INPP4B: variants seen among roughly 807,000 people sequenced by gnomAD.
INPP4B encodes the protein inositol polyphosphate-4-phosphatase type II B, also known as inositol polyphosphate 4-phosphatase type II.
A neutral mutation model predicts 122.5 loss-of-function variants in INPP4B; 55 were observed. That is an observed-to-expected ratio of 0.45 (90% CI 0.36 to 0.56). The LOEUF (loss-of-function observed/expected upper bound fraction) is 0.56, where lower values mean the gene tolerates loss of function less well. Among genes scored for constraint, INPP4B ranks in the 20% least tolerant of loss-of-function variants. The probability of loss-of-function intolerance (pLI) is 0.00; values close to 1 mark genes in which losing one functional copy is unlikely to be tolerated. For missense variants in INPP4B, 1,000 were observed against 1,097.7 expected, an observed-to-expected ratio of 0.91 and a Z score of 1.26; for synonymous variants, 403 against 388.7, an observed-to-expected ratio of 1.04 and a Z score of -0.43.
At chr4:142,306,097 G>T (rs557625095) in intron 8 of INPP4B, among the ~76,000 whole-genome samples, 1 of 151,966 alleles carries the variant, frequency 6.6e-6, no homozygotes, top group East Asian at 1.9e-4. Flanking sequence ...TCTAATACAC[G>T]AAAGAAAATG....
intron 2 of INPP4B, among the ~76,000 whole-genome samples, chr4:142,546,607 T>C (rs916269884): frequency 6.6e-6 from 1 of 152,136 alleles, no homozygotes; most frequent in South Asian, 2.1e-4. Flanking sequence ...ACGGAGATAT[T>C]CTAAGAGTCA....
chr4:142,633,706 A>T (rs866949605), intron 2 of INPP4B, among the ~76,000 whole-genome samples: 14 of 152,278 alleles, frequency 9.2e-5, no homozygotes, highest in Middle Eastern at 3.4e-3. Flanking sequence ...ACTCAAAAAG[A>T]GGTAAAATTA....
intron 18 of INPP4B, among the ~76,000 whole-genome samples, chr4:142,135,239 CA>C (rs1482584863): frequency 6.6e-6 from 1 of 152,108 alleles, no homozygotes; most frequent in Non-Finnish European, 1.5e-5. Context: ...GAACAAATCA[CA>C]AACACTTGGC....
intron 2 of INPP4B, among the ~76,000 whole-genome samples, chr4:142,722,164 T>A (rs1031505964): frequency 6.6e-5 from 10 of 152,058 alleles, no homozygotes; most frequent in Non-Finnish European, 1.2e-4. Flanking sequence ...AATATGCAAA[T>A]CAATGACAGT....
chr4:142,369,582 T>TTAAAAAAA (rs1554043865), intron 7 of INPP4B, among the ~76,000 whole-genome samples: 4 of 105,258 alleles, frequency 3.8e-5, no homozygotes, highest in African/African-American at 1.4e-4. Context: ...GTCTCGAAAA[T>TTAAAAAAA]TAAAAAAATA....
At chr4:142,734,437 G>C (rs968937840) in intron 1 of INPP4B, among the ~76,000 whole-genome samples, 1 of 152,186 alleles carries the variant, frequency 6.6e-6, no homozygotes, top group African/African-American at 2.4e-5. Context: ...GTACCTGAAA[G>C]AGGACATGAG....
At chr4:142,413,384 A>G (rs1417930116) in intron 5 of INPP4B, among the ~76,000 whole-genome samples, 1 of 152,218 alleles carries the variant, frequency 6.6e-6, no homozygotes, top group African/African-American at 2.4e-5. Flanking sequence ...CAGCTCATAC[A>G]TACACATAAA....
chr4:142,384,568 T>C (rs1290029476), intron 7 of INPP4B, among the ~76,000 whole-genome samples: 1 of 152,216 alleles, frequency 6.6e-6, no homozygotes, highest in Non-Finnish European at 1.5e-5. Context: ...TAGAGTCTTA[T>C]AGGATCACCA....
intron 5 of INPP4B, among the ~76,000 whole-genome samples, chr4:142,420,448 C>T (rs1467286908): frequency 6.6e-6 from 1 of 152,106 alleles, no homozygotes; most frequent in African/African-American, 2.4e-5. Flanking sequence ...AAACAGGCTA[C>T]AATCCAACTG....
At chr4:142,104,513 A>C (rs2152667096) in intron 23 of INPP4B, among the ~76,000 whole-genome samples, 1 of 152,250 alleles carries the variant, frequency 6.6e-6, no homozygotes, top group Middle Eastern at 3.4e-3. Flanking sequence ...GTAGGGCCTG[A>C]GGGGAAGTAA....
chr4:142,192,153 G>T (rs1561438429), intron 15 of INPP4B, among the ~76,000 whole-genome samples: 1 of 151,354 alleles, frequency 6.6e-6, no homozygotes, highest in East Asian at 1.9e-4. Context: ...CAGACACCAG[G>T]ACCTACTTAA....
At chr4:142,665,919 T>C (rs1343930362) in intron 2 of INPP4B, among the ~76,000 whole-genome samples, 3 of 152,180 alleles carry the variant, frequency 2.0e-5, no homozygotes, top group African/African-American at 4.8e-5. Flanking sequence ...GTATACATGC[T>C]TATGATAAGG....
At chr4:142,267,240 T>G (rs1169249309) in intron 10 of INPP4B, among the ~76,000 whole-genome samples, 3 of 152,258 alleles carry the variant, frequency 2.0e-5, no homozygotes, top group Non-Finnish European at 4.4e-5. Context: ...CAAAAGAGCT[T>G]GAAGAGTCAA....
At chr4:142,410,439 T>G (rs1392205949) in intron 5 of INPP4B, among the ~76,000 whole-genome samples, 3 of 152,238 alleles carry the variant, frequency 2.0e-5, no homozygotes, top group Non-Finnish European at 4.4e-5. Context: ...TAATGGAATC[T>G]AACAAAATTT....
intron 2 of INPP4B, among the ~76,000 whole-genome samples, chr4:142,553,331 T>C (rs1051805894): frequency 6.6e-6 from 1 of 152,238 alleles, no homozygotes; most frequent in African/African-American, 2.4e-5. Context: ...TTGATGTCTC[T>C]ATTTATATGT....
intron 15 of INPP4B, among the ~76,000 whole-genome samples, chr4:142,190,287 T>C (rs1835223303): frequency 6.6e-6 from 1 of 152,140 alleles, no homozygotes; most frequent in African/African-American, 2.4e-5. Context: ...TTTCATGTCC[T>C]GCAAAATGTC....
At chr4:142,656,362 G>A (rs1436745181) in intron 2 of INPP4B, among the ~76,000 whole-genome samples, 1 of 152,206 alleles carries the variant, frequency 6.6e-6, no homozygotes, top group Admixed American at 6.5e-5. Context: ...CCAACATGGG[G>A]CTCGAGAAGT....
chr4:142,068,597 C>T (rs1765067936), intron 25 of INPP4B, among the ~76,000 whole-genome samples: 1 of 152,084 alleles, frequency 6.6e-6, no homozygotes, highest in Non-Finnish European at 1.5e-5. Context: ...ATCTCACGTG[C>T]AGAGACACAC....
intron 2 of INPP4B, among the ~76,000 whole-genome samples, chr4:142,689,395 G>T (rs369792124): frequency 6.6e-6 from 1 of 152,106 alleles, no homozygotes; most frequent in African/African-American, 2.4e-5. Flanking sequence ...CCATACGAAG[G>T]TCTCAGCACA....
Sources: allele counts gnomAD v4.1 joint callset (sites outside exome capture counted in the v4.1 genomes callset), GRCh38; gene constraint gnomAD v4.1.1; transcripts MANE v1.5; gene names NCBI Gene and HGNC (gene_info 2026-07-23, HGNC 2026-07-21).